Variants in GALK2 observed in about 807,000 individuals in gnomAD.
The protein encoded by GALK2 is N-acetylgalactosamine kinase.
In GALK2, 36 loss-of-function variants were observed where a neutral mutation model predicts 52.4. The observed-to-expected ratio is 0.69, with a 90% CI of 0.53 to 0.91. The LOEUF is 0.91. GALK2 is among the 40% of genes least tolerant of loss of function. The pLI, the probability that GALK2 is intolerant of heterozygous loss-of-function variation, is 0.00. For synonymous variants in GALK2, 176 were observed against 199.1 expected (o/e 0.88, Z 0.98); for missense variants, 579 against 559.1 (o/e 1.04, Z -0.36).
chr15:49,292,576 T>G, intron 8 of GALK2, 39 bp downstream of exon 8: 1 of 1,518,050 alleles, frequency 6.6e-7, no homozygotes, highest in South Asian at 1.2e-5. Flanking sequence ...TGTTATTCCC[T>G]CACTTACAGC....
chr15:49,328,745 A>C lies in GALK2; in HGVS notation c.*586A>C. On this transcript the variant is annotated 3_prime_UTR_variant, in exon 10 of 10. Transcript: ENST00000560031. ...CATTGTATAATTGAATTTGAATGTG[A>C]GATTTCTCCAGTTATCAAGAGACTA... The C allele has an allele frequency of 6.7e-7, 1 of 1,498,794 alleles. No individual in the cohort carries two copies. The highest frequency in any genetic ancestry group is 8.9e-7 in the Non-Finnish European group (1 of 1,119,384). 92.8% of individuals were successfully genotyped at this position (1,498,794 alleles called of 1,614,324 possible).
chr15:49,239,436 C>A, intron 5 of GALK2, 69 bp downstream of exon 5: 1 of 1,427,558 alleles, frequency 7.0e-7, no homozygotes, highest in Non-Finnish European at 9.8e-7. Context: ...AATCTCAAAT[C>A]AGAATGCCTT....
chr15:49,286,267 A>C (rs1028762437), intron 7 of GALK2, among the ~76,000 whole-genome samples: 4 of 152,222 alleles, frequency 2.6e-5, no homozygotes, highest in Non-Finnish European at 4.4e-5. Flanking sequence ...TGTGATGCTT[A>C]AGCTGAAGAG....
intron 5 of GALK2, among the ~76,000 whole-genome samples, chr15:49,242,894 A>G (rs984408289): frequency 1.3e-5 from 2 of 152,332 alleles, no homozygotes; most frequent in Admixed American, 6.5e-5. Context: ...TTTCCAAACA[A>G]CAGGGAAAAT....
intron 1 of GALK2, among the ~76,000 whole-genome samples, chr15:49,171,880 T>A (rs555810221): frequency 6.6e-6 from 1 of 152,044 alleles, no homozygotes; most frequent in Non-Finnish European, 1.5e-5. Flanking sequence ...CAATCCATTC[T>A]CCTGCCTTAG....
At chr15:49,225,902 C>G (rs1276483860) in intron 3 of GALK2, among the ~76,000 whole-genome samples, 1 of 152,240 alleles carries the variant, frequency 6.6e-6, no homozygotes, top group African/African-American at 2.4e-5. Context: ...ATAAAGCACC[C>G]ATACTGGGCA....
intron 8 of GALK2, among the ~76,000 whole-genome samples, chr15:49,313,603 G>T (rs112183218): frequency 6.2e-4 from 94 of 152,338 alleles, no homozygotes; most frequent in Non-Finnish European, 1.2e-3. Flanking sequence ...GTCTAGTAGT[G>T]TCATAGTTTG....
At chr15:49,320,922 G>C (rs1458945894) in intron 9 of GALK2, among the ~76,000 whole-genome samples, 1 of 152,242 alleles carries the variant, frequency 6.6e-6, no homozygotes, top group African/African-American at 2.4e-5. Flanking sequence ...CTGGAAGGAA[G>C]TGGGATGGTT....
At chr15:49,350,206 T>G (rs926296367) in intron 3 of GALK2, among the ~76,000 whole-genome samples, 1 of 152,214 alleles carries the variant, frequency 6.6e-6, no homozygotes, top group Admixed American at 6.5e-5. Context: ...ACATTTGCAT[T>G]GTCCAATAGT....
At chr15:49,214,397 C>A (rs1053602016) in intron 2 of GALK2, among the ~76,000 whole-genome samples, 3 of 139,938 alleles carry the variant, frequency 2.1e-5, no homozygotes, top group African/African-American at 8.2e-5. Context: ...GTGGCGTGAT[C>A]TCGGCTCACT....
At chr15:49,259,572 CTT>C (rs748698380) in intron 5 of GALK2, among the ~76,000 whole-genome samples, 1 of 129,658 alleles carries the variant, frequency 7.7e-6, no homozygotes, top group African/African-American at 2.8e-5. Context: ...GCCACATTTT[CTT>C]TTTTTTTTTT....
At position 49,233,490 on chromosome 15, in the gene GALK2, A is replaced by C. The variant is rs77924032; in HGVS notation, c.267-2361A>C. On this transcript the variant is annotated intron_variant, in intron 3 of 9. Coordinates refer to ENST00000560031, the MANE Select transcript of GALK2 (RefSeq NM_002044.4). ...TCATGTAGCTTCCTACATATGTGCA[A>C]CTATCCTCCTCTTTTTCTCCTCATA... 3.8e-3 allele frequency among the ~76,000 whole-genome samples: 578 copies of C among 152,300 alleles called. 8 individuals carry two copies. Among genetic ancestry groups the C allele is most frequent in the African/African-American group, 0.013 (554 of 41,554 alleles).
At chr15:49,319,480 C>A in intron 8 of GALK2, 124 bp from the exon 9 acceptor site, 1 of 711,238 alleles carries the variant, frequency 1.4e-6, no homozygotes, top group Non-Finnish European at 2.3e-6. Context: ...CAAGAGAGAC[C>A]TATTGAAGTT....
chr15:49,335,274 A>T (rs1596253239), downstream of GALK2: 8 of 585,442 alleles, frequency 1.4e-5, no homozygotes, highest in Non-Finnish European at 2.4e-5. Context: ...CTTGACACTT[A>T]CCTGAAAAGA....
intron 7 of GALK2, 145 bp downstream of exon 7, chr15:49,283,863 G>A (rs899317906): frequency 1.2e-6 from 1 of 806,650 alleles, no homozygotes; most frequent in East Asian, 2.7e-5. Context: ...TTTGGGTACA[G>A]AGAAATCTGA....
intron 2 of GALK2, among the ~76,000 whole-genome samples, chr15:49,205,123 C>T (rs377114908): frequency 4.6e-5 from 7 of 152,204 alleles, no homozygotes; most frequent in East Asian, 3.9e-4. Context: ...GTTGGTTCCG[C>T]GATTGGGTTG....
At chr15:49,226,593 T>C (rs2090149269) in intron 3 of GALK2, 1 of 152,180 alleles carries the variant, frequency 6.6e-6, no homozygotes, top group South Asian at 2.1e-4. Flanking sequence ...ACTTCTATTC[T>C]GATCTTCATT....
At position 49,348,871 on chromosome 15, in the gene GALK2, G is replaced by T. The variant is rs148003284; in HGVS notation, c.427-18620G>T. On this transcript the variant is annotated intron_variant, in intron 3 of 3. Coordinates refer to the GALK2 transcript ENST00000558399. ...AAAATGAAGTTTTCTTCTCTTATTT[G>T]ATACAAATGTGGCTTTACCACATTT... Among the ~76,000 whole-genome samples, 909 of 152,156 alleles carry T rather than the reference G, an allele frequency of 6.0e-3. 6 individuals carry two copies. Among genetic ancestry groups the T allele is most frequent in the Middle Eastern group, 0.037 (11 of 294 alleles).
At chr15:49,160,645 A>G (rs926834081) in intron 1 of GALK2, among the ~76,000 whole-genome samples, 6 of 152,122 alleles carry the variant, frequency 3.9e-5, no homozygotes, top group African/African-American at 4.8e-5. Context: ...TGGGTGGATC[A>G]CGAGGTCAAG....
Sources: gnomAD v4.1 joint callset for allele counts (sites outside exome capture counted in the v4.1 genomes callset) on GRCh38, gnomAD v4.1.1 for gene constraint, MANE v1.5 for transcripts, NCBI Gene and HGNC (gene_info 2026-07-23, HGNC 2026-07-21) for gene names.